ACYP2: variants seen among roughly 807,000 people sequenced by gnomAD.
ACYP2 encodes acylphosphatase-2.
Under a neutral mutation model 11.2 loss-of-function variants are expected in ACYP2, and 12 were observed. The ratio of observed to expected loss-of-function variants is 1.08; its 90% CI spans 0.69 to 1.74. The LOEUF is 1.74. Ranked by LOEUF, ACYP2 falls within the 40% of genes most tolerant of loss-of-function variation. ACYP2 has a pLI of 0.00. For missense variants in ACYP2, 134 were observed against 101.9 expected (o/e 1.31, Z -1.35); for synonymous variants, 43 against 32.2 (o/e 1.33, Z -1.13).
intron 4 of ACYP2, among the ~76,000 whole-genome samples, chr2:54,108,761 T>G (rs1187815414): frequency 1.3e-5 from 2 of 152,228 alleles, no homozygotes; most frequent in Non-Finnish European, 2.9e-5. Flanking sequence ...CAGTGGCATC[T>G]GTGATTAGTT....
intron 6 of ACYP2, among the ~76,000 whole-genome samples, chr2:54,146,439 ATTTT>A (rs11360655): frequency 7.1e-6 from 1 of 140,612 alleles, no homozygotes; most frequent in Non-Finnish European, 1.6e-5. Flanking sequence ...CTGATCCTCT[ATTTT>A]TTTTTTTTTT....
intron 6 of ACYP2, among the ~76,000 whole-genome samples, chr2:54,221,721 C>G (rs1022809109): frequency 1.3e-5 from 2 of 151,820 alleles, no homozygotes; most frequent in African/African-American, 2.4e-5. Flanking sequence ...AGGTTTTCAC[C>G]ATGTTGGCCA....
chr2:54,073,447 G>A (rs1014059993), intron 4 of ACYP2, among the ~76,000 whole-genome samples: 3 of 152,110 alleles, frequency 2.0e-5, no homozygotes, highest in Non-Finnish European at 2.9e-5. Flanking sequence ...AAACATAGAT[G>A]TAACTCTTTA....
intron 6 of ACYP2, among the ~76,000 whole-genome samples, chr2:54,167,289 A>G (rs1572880738): frequency 6.6e-6 from 1 of 152,200 alleles, no homozygotes; most frequent in African/African-American, 2.4e-5. Context: ...TCATTTCTAT[A>G]TCATTGTCCA....
intron 2 of ACYP2, among the ~76,000 whole-genome samples, chr2:54,015,437 G>A (rs1207162929): frequency 6.6e-6 from 1 of 152,012 alleles, no homozygotes; most frequent in Non-Finnish European, 1.5e-5. Flanking sequence ...GAACCTGGGA[G>A]ACAGAGGTTG....
intron 2 of ACYP2, among the ~76,000 whole-genome samples, chr2:53,992,786 A>ACACCAC (rs1672364586): frequency 6.6e-6 from 1 of 150,408 alleles, no homozygotes; most frequent in Non-Finnish European, 1.5e-5. Flanking sequence ...AGCTGAGACC[A>ACACCAC]CACCACTGTA....
At chr2:54,022,384 A>T (rs1162627664) in intron 2 of ACYP2, among the ~76,000 whole-genome samples, 2 of 151,838 alleles carry the variant, frequency 1.3e-5, no homozygotes, top group Non-Finnish European at 2.9e-5. Context: ...GCTAGAGTAC[A>T]GTTTTGTTTT....
chr2:53,995,854 T>A (rs1672547803), intron 2 of ACYP2, among the ~76,000 whole-genome samples: 3 of 152,062 alleles, frequency 2.0e-5, no homozygotes, highest in Admixed American at 2.0e-4. Context: ...CACAATGGGC[T>A]GGGCACGGTC....
At position 54,090,239 on chromosome 2, in the gene ACYP2, A is replaced by G. The variant is rs189271251; in HGVS notation, c.277+32879A>G. ...AATCCTCTTCTTGGCATTCAAGCCTATCACATTCTGCTCTCACCCTGCCTT... is the reference window on the plus strand; with the variant it reads ...AATCCTCTTCTTGGCATTCAAGCCTGTCACATTCTGCTCTCACCCTGCCTT... On this transcript the variant is annotated intron_variant, in intron 4 of 6. Transcript: ENST00000607452. Among the ~76,000 whole-genome samples, 7 of 152,088 alleles carry G rather than the reference A, an allele frequency of 4.6e-5. No homozygotes were observed. The East Asian group carries it at 9.7e-4, about 21-fold the overall frequency.
In ACYP2 at chr2:54,182,047, A is replaced by ATTTTTTTTTTTTT. The variant is rs35145998; in HGVS notation, c.404+43313_404+43325dup. On this transcript the variant is annotated intron_variant, in intron 6 of 6. Coordinates refer to ENST00000607452, the MANE Select transcript of ACYP2 (RefSeq NM_001320586.2). ...AAAGAAAACAGAAAAATAGAAGATA[A>ATTTTTTTTTTTTT]TTTTTTTTTTTTTTTTTTTTTTTTT... is the stretch of plus-strand genomic sequence containing the variant. 7.0e-4 allele frequency among the ~76,000 whole-genome samples: 58 copies of ATTTTTTTTTTTTT among 83,062 alleles called. 2 individuals are homozygous for ATTTTTTTTTTTTT. Among genetic ancestry groups the ATTTTTTTTTTTTT allele is most frequent in the African/African-American group, 3.0e-3 (58 of 19,358 alleles). The allele number at this position is 83,062 out of a possible 152,430, so 54.5% of individuals were successfully genotyped here.
chr2:54,169,910 A>G (rs914358422), intron 6 of ACYP2, among the ~76,000 whole-genome samples: 27 of 152,232 alleles, frequency 1.8e-4, no homozygotes, highest in African/African-American at 6.3e-4. Context: ...ATTAACTGGT[A>G]TCTCTTAAAT....
chr2:54,178,277 A>T (rs1234522554), intron 6 of ACYP2, among the ~76,000 whole-genome samples: 1 of 152,240 alleles, frequency 6.6e-6, no homozygotes, highest in Admixed American at 6.5e-5. Flanking sequence ...CAAAGCATTT[A>T]TTATGCCATT....
intron 2 of ACYP2, among the ~76,000 whole-genome samples, chr2:53,984,631 A>G (rs547351695): frequency 6.7e-6 from 1 of 149,526 alleles, no homozygotes; most frequent in Non-Finnish European, 1.5e-5. Context: ...ATTATATATT[A>G]TATATATAGC....
chr2:54,025,150 T>A (rs1465766464), intron 2 of ACYP2, among the ~76,000 whole-genome samples: 2 of 152,168 alleles, frequency 1.3e-5, no homozygotes, highest in African/African-American at 4.8e-5. Flanking sequence ...GAATCAATAT[T>A]GTGAAAATGA....
intron 2 of ACYP2, among the ~76,000 whole-genome samples, chr2:53,991,090 C>T (rs184750563): frequency 6.6e-6 from 1 of 152,300 alleles, no homozygotes; most frequent in East Asian, 1.9e-4. Flanking sequence ...GCCACCGTGC[C>T]CTGTCGAGAA....
At chr2:54,115,554 G>A (rs1679701132) in intron 4 of ACYP2, 61 bp from the exon 1 acceptor site, 7 of 1,520,922 alleles carry the variant, frequency 4.6e-6, no homozygotes, top group Non-Finnish European at 5.3e-6. Flanking sequence ...CTTCCGACGC[G>A]TGACCCCGGC....
chr2:54,114,182 A>C (rs1009932082), intron 4 of ACYP2, among the ~76,000 whole-genome samples: 5 of 152,210 alleles, frequency 3.3e-5, no homozygotes. Flanking sequence ...TATTGAGGCC[A>C]ACAAATAGAG....
intron 6 of ACYP2, among the ~76,000 whole-genome samples, chr2:54,200,846 T>G (rs556801915): frequency 6.7e-6 from 1 of 149,066 alleles, no homozygotes; most frequent in African/African-American, 2.5e-5. Context: ...TTTCCAAAAG[T>G]GTCTGTTTCA....
At chr2:54,295,316 A>G (rs1021682526) in intron 6 of ACYP2, among the ~76,000 whole-genome samples, 6 of 152,210 alleles carry the variant, frequency 3.9e-5, no homozygotes, top group African/African-American at 1.2e-4. Flanking sequence ...AATGTTCTTT[A>G]AGAGAAGGAA....
Sources: gnomAD v4.1 joint callset for allele counts (sites outside exome capture counted in the v4.1 genomes callset) on GRCh38, gnomAD v4.1.1 for gene constraint, MANE v1.5 for transcripts, NCBI Gene and HGNC (gene_info 2026-07-23, HGNC 2026-07-21) for gene names.